Variants in CAST observed in about 807,000 individuals in gnomAD.
CAST encodes MIR583 host.
Under a neutral mutation model 119.6 loss-of-function variants are expected in CAST, and 76 were observed. The ratio of observed to expected loss-of-function variants is 0.64; its 90% confidence interval spans 0.53 to 0.77. The LOEUF (loss-of-function observed/expected upper bound fraction) is 0.77, where lower values mean the gene tolerates loss of function less well. Among genes scored for constraint, CAST ranks in the 30% least tolerant of loss-of-function variants. The pLI, the probability that CAST is intolerant of heterozygous loss-of-function variation, is 0.00. For missense variants in CAST, 953 were observed against 946.5 expected, an observed-to-expected ratio of 1.01 and a Z score of -0.09; for synonymous variants, 319 against 331.6, an observed-to-expected ratio of 0.96 and a Z score of 0.41.
intron 12 of CAST, among the ~76,000 whole-genome samples, chr5:96,740,415 T>C (rs1411946343): frequency 6.6e-6 from 1 of 152,168 alleles, no homozygotes. Context: ...TTGAGGCCTA[T>C]TCTTGGCTTA....
chr5:96,083,514 T>C, the CAST span, among the ~76,000 whole-genome samples: 3 of 152,206 alleles, frequency 2.0e-5, no homozygotes, highest in Non-Finnish European at 4.4e-5. Context: ...CTAAAACAAG[T>C]AGTAAAAGTT....
rs1239440353 is a variant in CAST, at chr5:96,630,850, G to A, written c.61-44689G>A. ...AGAGAGAGAGAAAGAAGGAAAGAAA[G>A]AAAGGAAGGAAGGAAGGAAGAAGAA... is the stretch of plus-strand genomic sequence containing the variant. On this transcript the variant is annotated intron_variant, in intron 1 of 11. Transcript: ENST00000505143. 6.4e-5 allele frequency: 9 copies of A among 140,902 alleles called. 1 individual carries two copies. The highest frequency in any genetic ancestry group is 2.3e-4 in the African/African-American group (9 of 39,624). The allele number at this position is 140,902 out of a possible 1,614,324, so 8.7% of individuals were successfully genotyped here. A position where few individuals can be genotyped will look rare whatever the true frequency, so the allele number is the denominator to read the frequency against.
intron 1 of CAST, among the ~76,000 whole-genome samples, chr5:96,584,079 T>C (rs1479637473): frequency 2.6e-5 from 4 of 152,212 alleles, no homozygotes; most frequent in African/African-American, 9.7e-5. Flanking sequence ...GCCAACCTTT[T>C]TGGGACCAGG....
chr5:96,456,044 T>C, the CAST span, among the ~76,000 whole-genome samples: 1 of 151,858 alleles, frequency 6.6e-6, no homozygotes, highest in Non-Finnish European at 1.5e-5. Context: ...GGGTATAACA[T>C]GACAGAATAA....
the CAST span, among the ~76,000 whole-genome samples, chr5:96,310,609 T>G: frequency 6.6e-6 from 1 of 151,914 alleles, no homozygotes; most frequent in Non-Finnish European, 1.5e-5. Flanking sequence ...CTTAATCTCT[T>G]AACTCATTAT....
the CAST span, among the ~76,000 whole-genome samples, chr5:96,006,876 C>G: frequency 6.6e-6 from 1 of 152,074 alleles, no homozygotes; most frequent in South Asian, 2.1e-4. Context: ...CAGGAAACAC[C>G]TCTCATACCC....
At chr5:96,248,611 T>G in the CAST span, among the ~76,000 whole-genome samples, 1 of 152,238 alleles carries the variant, frequency 6.6e-6, no homozygotes, top group South Asian at 2.1e-4. Flanking sequence ...AATTAATGTT[T>G]AATTTGTTGT....
the CAST span, among the ~76,000 whole-genome samples, chr5:96,060,980 G>A: frequency 1.3e-5 from 2 of 152,050 alleles, no homozygotes; most frequent in African/African-American, 4.8e-5. Flanking sequence ...TGATATGTTT[G>A]TGGAAGAGAG....
At chr5:96,424,863 T>A in the CAST span, among the ~76,000 whole-genome samples, 1 of 151,308 alleles carries the variant, frequency 6.6e-6, no homozygotes, top group Non-Finnish European at 1.5e-5. Context: ...CTCCAGAGGC[T>A]GAGGCAGGAG....
the CAST span, among the ~76,000 whole-genome samples, chr5:96,121,359 G>A: frequency 2.0e-5 from 3 of 152,116 alleles, no homozygotes; most frequent in South Asian, 4.2e-4. Context: ...CTGGCTGCTA[G>A]GACTATTAAA....
chr5:96,606,816 C>T (rs1458536268), intron 1 of CAST, among the ~76,000 whole-genome samples: 1 of 152,194 alleles, frequency 6.6e-6, no homozygotes, highest in Non-Finnish European at 1.5e-5. Flanking sequence ...CCTAGTGGTT[C>T]TTAGGGTGTA....
intron 1 of CAST, among the ~76,000 whole-genome samples, chr5:96,588,813 A>C (rs997874218): frequency 7.9e-5 from 12 of 152,224 alleles, no homozygotes; most frequent in Admixed American, 3.3e-4. Flanking sequence ...CTTCAAAGAA[A>C]GGATTCATGT....
At chr5:96,422,099 C>A in the CAST span, 1 of 664,030 alleles carries the variant, frequency 1.5e-6, no homozygotes, top group Non-Finnish European at 2.7e-6. Flanking sequence ...GAGTTTCTGG[C>A]CGAGTCACTG....
chr5:95,980,599 A>G, the CAST span: 5 of 152,154 alleles, frequency 3.3e-5, no homozygotes, highest in African/African-American at 4.8e-5. Context: ...TCAACCTATC[A>G]TGGTGTTTTT....
chr5:96,187,304 A>C, the CAST span, among the ~76,000 whole-genome samples: 1 of 151,258 alleles, frequency 6.6e-6, no homozygotes, highest in Admixed American at 6.6e-5. Context: ...ACAGCTCCTG[A>C]TTTGTTGATT....
At chr5:96,073,247 AG>A in the CAST span, among the ~76,000 whole-genome samples, 1 of 152,342 alleles carries the variant, frequency 6.6e-6, no homozygotes, top group Non-Finnish European at 1.5e-5. Flanking sequence ...GTGGTGAATC[AG>A]TAGCCGTGGT....
the CAST span, among the ~76,000 whole-genome samples, chr5:96,415,221 G>T: frequency 2.6e-5 from 4 of 152,146 alleles, no homozygotes; most frequent in Middle Eastern, 3.2e-3. Flanking sequence ...TTCCCATTGG[G>T]TTCAGCCAAC....
chr5:96,702,931 C>T (rs1754147172), intron 3 of CAST: 2 of 985,496 alleles, frequency 2.0e-6, no homozygotes, highest in Non-Finnish European at 2.4e-6. Flanking sequence ...TACTGTCTTC[C>T]GCCGCTTTGC....
At chr5:96,120,850 A>G in the CAST span, among the ~76,000 whole-genome samples, 1 of 151,496 alleles carries the variant, frequency 6.6e-6, no homozygotes, top group Non-Finnish European at 1.5e-5. Flanking sequence ...ATCCTGCCCT[A>G]AGCCATTTTC....
Sources: allele counts gnomAD v4.1 joint callset (sites outside exome capture counted in the v4.1 genomes callset), GRCh38; gene constraint gnomAD v4.1.1; transcripts MANE v1.5; gene names NCBI Gene and HGNC (gene_info 2026-07-23, HGNC 2026-07-21).